The following PEAK1 variants were observed in gnomAD, a reference collection of about 807,000 sequenced individuals.
The protein encoded by PEAK1 is pseudopodium enriched atypical kinase 1.
In PEAK1, 54 loss-of-function variants were observed where a neutral mutation model predicts 124.7. That is an observed-to-expected ratio of 0.43 (90% CI 0.35 to 0.54). The LOEUF is 0.54. Ranked by LOEUF, PEAK1 falls within the 20% of genes least tolerant of loss-of-function variation. The probability of loss-of-function intolerance (pLI) is 0.01; values close to 1 mark genes in which losing one functional copy is unlikely to be tolerated. For missense variants in PEAK1, 2,046 were observed against 2,134.5 expected, an observed-to-expected ratio of 0.96 and a Z score of 0.82; for synonymous variants, 719 against 760.0, an observed-to-expected ratio of 0.95 and a Z score of 0.89.
At chr15:77,397,528 T>C (rs566645960) in intron 1 of PEAK1, among the ~76,000 whole-genome samples, 24 of 151,100 alleles carry the variant, frequency 1.6e-4, no homozygotes, top group African/African-American at 5.8e-4. Flanking sequence ...AAACATAAAA[T>C]TGACAAACCT....
intron 2 of PEAK1, among the ~76,000 whole-genome samples, chr15:77,331,680 G>A (rs549892731): frequency 6.6e-6 from 1 of 151,766 alleles, no homozygotes; most frequent in Admixed American, 6.6e-5. Flanking sequence ...TCAGTGGCAC[G>A]ATCTCAGCTC....
chr15:77,303,705 T>G (rs1471050159), intron 2 of PEAK1, among the ~76,000 whole-genome samples: 1 of 152,240 alleles, frequency 6.6e-6, no homozygotes, highest in African/African-American at 2.4e-5. Context: ...CTTTCCATTC[T>G]TTTAATAGAG....
At chr15:77,144,244 C>G (rs898579667) in intron 8 of PEAK1, among the ~76,000 whole-genome samples, 4 of 152,156 alleles carry the variant, frequency 2.6e-5, no homozygotes, top group African/African-American at 7.2e-5. Context: ...TCTCATCAAC[C>G]CTTCCTATGA....
chr15:77,115,222 C>T lies in PEAK1; in HGVS notation c.4175G>A (p.Gly1392Asp), dbSNP rs763195169. ...GTTAGGGACTTCAGCAAGGAAATGACCACAGTCCTGCTGAATGTTAAAATG... is the reference window on the plus strand; with the variant it reads ...GTTAGGGACTTCAGCAAGGAAATGATCACAGTCCTGCTGAATGTTAAAATG... ...AVHFNIQQDC[G>D]HFLAEVPNRL... is the part of the protein sequence containing the mutation. The change falls in exon 10 of 10, where the codon GGT becomes GAT. Residue 1392 changes from glycine (G) to aspartate (D), a missense_variant. By Grantham distance (94) the Gly-to-Asp change is moderately conservative. Coordinates refer to ENST00000682557, the MANE Select transcript of PEAK1 (RefSeq NM_001385026.1). The T allele has an allele frequency of 5.0e-5, 80 of 1,614,034 alleles. No individual in the cohort carries two copies. Among genetic ancestry groups the T allele is most frequent in the Non-Finnish European group, 6.4e-5 (76 of 1,180,020 alleles).
At chr15:77,311,361 G>A (rs1321627011) in intron 2 of PEAK1, among the ~76,000 whole-genome samples, 1 of 152,058 alleles carries the variant, frequency 6.6e-6, no homozygotes, top group Non-Finnish European at 1.5e-5. Flanking sequence ...AGGAATGTTC[G>A]GAAATAAATG....
At chr15:77,141,708 G>A (rs947705475) in intron 8 of PEAK1, among the ~76,000 whole-genome samples, 7 of 152,226 alleles carry the variant, frequency 4.6e-5, no homozygotes, top group African/African-American at 9.6e-5. Context: ...ATTTGAGAGC[G>A]CAGAAGTGAA....
chr15:77,313,925 A>C (rs1597249753), intron 2 of PEAK1, among the ~76,000 whole-genome samples: 1 of 151,644 alleles, frequency 6.6e-6, no homozygotes, highest in South Asian at 2.1e-4. Flanking sequence ...AGGGGAAAAG[A>C]ATAACTTTAC....
At chr15:77,316,959 T>C (rs868165677) in intron 2 of PEAK1, among the ~76,000 whole-genome samples, 2 of 152,128 alleles carry the variant, frequency 1.3e-5, no homozygotes, top group African/African-American at 2.4e-5. Context: ...CGTGCACCTG[T>C]AGTCCCAGCT....
chr15:77,290,553 T>G (rs546497084), intron 2 of PEAK1, among the ~76,000 whole-genome samples: 27 of 151,754 alleles, frequency 1.8e-4, no homozygotes, highest in Admixed American at 5.9e-4. Context: ...TTGCCCAGCT[T>G]CTTCTTCTTT....
chr15:77,118,540 T>C (rs1596244231), intron 9 of PEAK1, among the ~76,000 whole-genome samples: 1 of 152,328 alleles, frequency 6.6e-6, no homozygotes, highest in African/African-American at 2.4e-5. Context: ...GTCAAATTTT[T>C]TCCTTCTGCC....
chr15:77,334,655 A>G, intron 2 of PEAK1: 1 of 985,216 alleles, frequency 1.0e-6, no homozygotes, highest in Non-Finnish European at 1.2e-6. Context: ...TATTTGTATT[A>G]CTTTTGGATC....
chr15:77,418,796 A>G (rs2073099940), intron 1 of PEAK1: 1 of 985,400 alleles, frequency 1.0e-6, no homozygotes, highest in Non-Finnish European at 1.2e-6. Context: ...TTCTCTGACT[A>G]TACACATCAC....
intron 5 of PEAK1, among the ~76,000 whole-genome samples, chr15:77,266,365 A>G (rs1236540715): frequency 6.6e-6 from 1 of 152,192 alleles, no homozygotes; most frequent in Admixed American, 6.6e-5. Context: ...GAGGCCTAGT[A>G]CGAAGCTGAA....
chr15:77,315,032 T>A (rs2064785297), intron 2 of PEAK1, among the ~76,000 whole-genome samples: 1 of 152,130 alleles, frequency 6.6e-6, no homozygotes, highest in African/African-American at 2.4e-5. Flanking sequence ...CCTGCCCATG[T>A]GTTCCCTGAA....
intron 8 of PEAK1, among the ~76,000 whole-genome samples, chr15:77,134,997 G>A (rs1392932080): frequency 6.6e-6 from 1 of 152,142 alleles, no homozygotes; most frequent in African/African-American, 2.4e-5. Flanking sequence ...GAGTGACACA[G>A]GTGCAGACTA....
chr15:77,226,001 C>T (rs1449237853), intron 6 of PEAK1, among the ~76,000 whole-genome samples: 6 of 128,982 alleles, frequency 4.7e-5, no homozygotes, highest in Non-Finnish European at 6.4e-5. Context: ...AAAATCAATG[C>T]TTTCTTTTTA....
chr15:77,346,440 G>T, intron 2 of PEAK1: 1 of 985,176 alleles, frequency 1.0e-6, no homozygotes, highest in Non-Finnish European at 1.2e-6. Flanking sequence ...CAGTCCCTTG[G>T]GGGAGAGGCC....
At chr15:77,374,398 A>C (rs2068855193) in intron 1 of PEAK1, among the ~76,000 whole-genome samples, 3 of 152,192 alleles carry the variant, frequency 2.0e-5, no homozygotes, top group Admixed American at 2.0e-4. Flanking sequence ...TTATCTTTAT[A>C]ATTTAATAAT....
intron 2 of PEAK1, among the ~76,000 whole-genome samples, chr15:77,300,628 T>TA (rs2063737968): frequency 6.6e-6 from 1 of 152,198 alleles, no homozygotes; most frequent in South Asian, 2.1e-4. Flanking sequence ...CATTATTAAC[T>TA]AAAGTCCATA....
Sources: gnomAD v4.1 joint callset for allele counts (sites outside exome capture counted in the v4.1 genomes callset) on GRCh38, gnomAD v4.1.1 for gene constraint, MANE v1.5 for transcripts, NCBI Gene and HGNC (gene_info 2026-07-23, HGNC 2026-07-21) for gene names.